The following ATP8B1 variants were observed in gnomAD, a reference collection of about 807,000 sequenced individuals.
ATP8B1 encodes phospholipid-transporting ATPase IC.
ATP8B1 carries 80 observed loss-of-function variants against 149.9 expected under a neutral mutation model. The ratio of observed to expected loss-of-function variants is 0.53; its 90% CI spans 0.45 to 0.64. The LOEUF (loss-of-function observed/expected upper bound fraction) is 0.64. Ranked by LOEUF, ATP8B1 falls within the 30% of genes least tolerant of loss-of-function variation. The probability of loss-of-function intolerance (pLI) is 0.00; values close to 1 mark genes in which losing one functional copy is unlikely to be tolerated. For missense variants in ATP8B1, 1,247 were observed against 1,552.6 expected (o/e 0.80, Z 3.31); for synonymous variants, 536 against 562.8 (o/e 0.95, Z 0.67).
Position 57,735,215 on chromosome 18 carries a change from G to A in ATP8B1, c.-25-3383C>T, listed in dbSNP as rs138083146. ...CGCCGTCCACCACTGCTGTTTTGCT[G>A]CCGTCGCAGACCCGCCGCTGACTTC... is the stretch of plus-strand genomic sequence containing the variant. On this transcript the variant is annotated intron_variant, in intron 1 of 27. Coordinates refer to ENST00000648908, the MANE Select transcript of ATP8B1 (RefSeq NM_001374385.1). The A allele has an allele frequency of 6.4e-3, 1,081 of 169,694 alleles. 10 individuals are homozygous for A. The highest frequency in any genetic ancestry group is 0.024 in the African/African-American group (1,001 of 41,818). The allele number at this position is 169,694 out of a possible 1,614,324, so 10.5% of individuals were successfully genotyped here.
chr18:57,649,962 C>T (rs3817352), intron 27 of ATP8B1, among the ~76,000 whole-genome samples: 12,370 of 152,150 alleles, frequency 0.081, 765 homozygotes, highest in East Asian at 0.28. Flanking sequence ...TTAATGATGA[C>T]GCACTACTGT....
intron 1 of ATP8B1, among the ~76,000 whole-genome samples, chr18:57,765,419 C>T (rs1323575317): frequency 2.6e-5 from 4 of 152,134 alleles, no homozygotes; most frequent in African/African-American, 4.8e-5. Flanking sequence ...CCTTTAATCC[C>T]AGCACTTTGG....
At chr18:57,722,350 G>A (rs1050462858) in intron 2 of ATP8B1, among the ~76,000 whole-genome samples, 1 of 149,076 alleles carries the variant, frequency 6.7e-6, no homozygotes, top group African/African-American at 2.5e-5. Flanking sequence ...TAGACCGCTA[G>A]CAAGATTAAT....
At chr18:57,693,785 A>G (rs1912663581) in intron 11 of ATP8B1, among the ~76,000 whole-genome samples, 1 of 152,180 alleles carries the variant, frequency 6.6e-6, no homozygotes, top group Non-Finnish European at 1.5e-5. Flanking sequence ...TATGCTGACC[A>G]TCTGCATTCT....
intron 15 of ATP8B1, among the ~76,000 whole-genome samples, chr18:57,678,501 C>T (rs898317314): frequency 2.1e-5 from 3 of 144,682 alleles, no homozygotes; most frequent in South Asian, 2.2e-4. Flanking sequence ...GCAGGAGAAT[C>T]GCATAAACCC....
intron 1 of ATP8B1, among the ~76,000 whole-genome samples, chr18:57,732,974 A>G (rs2079804522): frequency 6.6e-6 from 1 of 151,532 alleles, no homozygotes; most frequent in East Asian, 2.1e-4. Context: ...TTTTAATATA[A>G]CCTTAGATCT....
intron 2 of ATP8B1, among the ~76,000 whole-genome samples, chr18:57,719,813 A>G (rs928692401): frequency 6.6e-6 from 1 of 152,232 alleles, no homozygotes; most frequent in African/African-American, 2.4e-5. Flanking sequence ...CAGGGTACAG[A>G]CAGCAGTAAC....
intron 2 of ATP8B1, among the ~76,000 whole-genome samples, chr18:57,724,138 A>G (rs904460925): frequency 4.0e-5 from 6 of 150,822 alleles, no homozygotes; most frequent in African/African-American, 1.5e-4. Flanking sequence ...ACCTAAAACC[A>G]TAAAAACCCT....
At chr18:57,713,032 A>G (rs755805175) in intron 2 of ATP8B1, among the ~76,000 whole-genome samples, 1 of 151,964 alleles carries the variant, frequency 6.6e-6, no homozygotes, top group Non-Finnish European at 1.5e-5. Flanking sequence ...AATTGAGGCT[A>G]AGATATTCTG....
At chr18:57,667,491 T>G (rs528089516) in intron 19 of ATP8B1, 1 of 308,804 alleles carries the variant, frequency 3.2e-6, no homozygotes, top group South Asian at 3.4e-5. Flanking sequence ...AATGATATTT[T>G]TTAGTTCATG....
At chr18:57,654,206 T>C in intron 23 of ATP8B1, 131 bp from the exon 24 acceptor site, 1 of 860,500 alleles carries the variant, frequency 1.2e-6, no homozygotes, top group Non-Finnish European at 1.9e-6. Context: ...GGGGTCTTGC[T>C]ATGTTGCCTA....
chr18:57,768,386 CAAAAAAAAA>C (rs145660399), intron 1 of ATP8B1, among the ~76,000 whole-genome samples: 2 of 68,178 alleles, frequency 2.9e-5, no homozygotes, highest in Non-Finnish European at 5.2e-5. Context: ...GACCCTGTCT[CAAAAAAAAA>C]AAAAAAAAAA....
chr18:57,787,815 A>C (rs538758019), intron 1 of ATP8B1, among the ~76,000 whole-genome samples: 1 of 152,184 alleles, frequency 6.6e-6, no homozygotes, highest in Non-Finnish European at 1.5e-5. Flanking sequence ...ACACCTTTAA[A>C]ATAAATAGGC....
chr18:57,657,415 A>G (rs1294405440), intron 22 of ATP8B1, among the ~76,000 whole-genome samples: 1 of 152,214 alleles, frequency 6.6e-6, no homozygotes, highest in Non-Finnish European at 1.5e-5. Flanking sequence ...TAGAAAAGAT[A>G]TGTTGGAGAA....
chr18:57,796,169 A>G (rs114698532), intron 1 of ATP8B1, among the ~76,000 whole-genome samples: 3,155 of 152,328 alleles, frequency 0.021, 112 homozygotes, highest in African/African-American at 0.073. Flanking sequence ...CCCCATCTCA[A>G]AAAATAAAAA....
At chr18:57,658,230 A>G (rs1910142551) in intron 22 of ATP8B1, among the ~76,000 whole-genome samples, 1 of 151,956 alleles carries the variant, frequency 6.6e-6, no homozygotes, top group South Asian at 2.1e-4. Context: ...TTGTACTTTT[A>G]GTGGAGATGG....
chr18:57,761,371 T>C (rs1599206944), intron 1 of ATP8B1, among the ~76,000 whole-genome samples: 1 of 152,160 alleles, frequency 6.6e-6, no homozygotes, highest in African/African-American at 2.4e-5. Flanking sequence ...TACTCTAGCA[T>C]GGCACCACGA....
Position 57,691,853 on chromosome 18 carries a change from A to G in ATP8B1, c.1174T>C (p.Tyr392His), listed in dbSNP as rs1293068681. ...SYRGFLIFWG[Y>H]IIVLNTMVPI... ...ACCATGGTGTTGAGAACAATGATAT[A>G]GCCCCAGAAAATGAGGAATCCACGG... The change falls in exon 12 of 28, where the codon TAT becomes CAT. Residue 392 changes from tyrosine to histidine, a missense_variant. Coordinates refer to ENST00000648908, the MANE Select transcript of ATP8B1 (RefSeq NM_001374385.1). The G allele has an allele frequency of 6.2e-7, 1 of 1,614,168 alleles. No homozygotes were observed. The highest frequency in any genetic ancestry group is 2.2e-5 in the East Asian group (1 of 44,882).
intron 1 of ATP8B1, among the ~76,000 whole-genome samples, chr18:57,776,313 G>A (rs1165334592): frequency 1.3e-5 from 2 of 152,230 alleles, no homozygotes; most frequent in African/African-American, 4.8e-5. Context: ...AATTTTAAAG[G>A]TAATGACTGT....
Sources: gnomAD v4.1 joint callset for allele counts (sites outside exome capture counted in the v4.1 genomes callset) on GRCh38, gnomAD v4.1.1 for gene constraint, MANE v1.5 for transcripts, NCBI Gene and HGNC (gene_info 2026-07-23, HGNC 2026-07-21) for gene names.